Variants in PIEZO2 observed in about 807,000 individuals in gnomAD.
PIEZO2 encodes the protein piezo type mechanosensitive ion channel component 2, also known as piezo-type mechanosensitive ion channel component 2.
A neutral mutation model predicts 337.3 loss-of-function variants in PIEZO2; 172 were observed. The observed-to-expected ratio is 0.51, with a 90% CI of 0.45 to 0.58. The LOEUF (loss-of-function observed/expected upper bound fraction) is 0.58. Ranked by LOEUF, PIEZO2 falls within the 20% of genes least tolerant of loss-of-function variation. The probability of loss-of-function intolerance (pLI) is 0.00; values close to 1 mark genes in which losing one functional copy is unlikely to be tolerated. For missense variants in PIEZO2, 3,028 were observed against 3,391.3 expected (o/e 0.89, Z 2.66); for synonymous variants, 1,251 against 1,228.5 (o/e 1.02, Z -0.38).
Position 10,731,462 on chromosome 18 carries a change from C to G in PIEZO2, c.4974G>C (p.Glu1658Asp). 2 of 1,535,208 alleles carry G rather than the reference C, an allele frequency of 1.3e-6. No homozygotes were observed. The highest frequency in any genetic ancestry group is 1.2e-5 in the South Asian group (1 of 83,876). ...GTTCTTCTCTTGCAGACCTTTTTTT[C>G]TCTTTGTGTCTTTGTCGGAGTGCTG... ...PKTALRQRHKEKKRSAREERK... is the reference protein window; with the variant it reads ...PKTALRQRHKDKKRSAREERK... Residue 1658 changes from glutamate to aspartate, a missense_variant, in exon 36 of 56, where the codon GAG becomes GAC. Coordinates refer to ENST00000674853, the MANE Select transcript of PIEZO2 (RefSeq NM_001378183.1).
At chr18:11,045,890 T>C (rs1231807121) in intron 2 of PIEZO2, among the ~76,000 whole-genome samples, 1 of 152,214 alleles carries the variant, frequency 6.6e-6, no homozygotes, top group Admixed American at 6.5e-5. Context: ...CTTGCCGTTG[T>C]ATGAATCACT....
chr18:10,796,957 CAT>C (rs200521925), intron 12 of PIEZO2, among the ~76,000 whole-genome samples: 1 of 151,628 alleles, frequency 6.6e-6, no homozygotes, highest in African/African-American at 2.4e-5. Context: ...TACATACCAT[CAT>C]ATCTTATATA....
intron 34 of PIEZO2, among the ~76,000 whole-genome samples, chr18:10,736,061 A>C (rs1420705874): frequency 1.3e-5 from 2 of 152,194 alleles, no homozygotes; most frequent in Non-Finnish European, 2.9e-5. Context: ...AGGTTCTAAA[A>C]CAGAAAGGTA....
chr18:10,909,997 C>A (rs933181266), intron 4 of PIEZO2, among the ~76,000 whole-genome samples: 1 of 152,176 alleles, frequency 6.6e-6, no homozygotes, highest in African/African-American at 2.4e-5. Flanking sequence ...CATGGGTCTA[C>A]CGATGTGCTA....
intron 2 of PIEZO2, among the ~76,000 whole-genome samples, chr18:11,034,311 T>C (rs2036846804): frequency 1.3e-5 from 2 of 151,826 alleles, no homozygotes; most frequent in South Asian, 4.2e-4. Context: ...TTTTTTTTTC[T>C]TTTTGGCGGC....
At chr18:10,818,070 C>T (rs548422379) in intron 7 of PIEZO2, among the ~76,000 whole-genome samples, 10 of 150,896 alleles carry the variant, frequency 6.6e-5, no homozygotes, top group Non-Finnish European at 1.5e-4. Flanking sequence ...TTTCTCTGTC[C>T]CTTGAAAAAA....
chr18:10,845,321 A>G (rs1298066861), intron 7 of PIEZO2, among the ~76,000 whole-genome samples: 1 of 151,998 alleles, frequency 6.6e-6, no homozygotes, highest in Non-Finnish European at 1.5e-5. Context: ...CAGAGACAGG[A>G]TTTATTTTTT....
At chr18:10,902,493 T>C (rs935493097) in intron 4 of PIEZO2, among the ~76,000 whole-genome samples, 2 of 152,162 alleles carry the variant, frequency 1.3e-5, no homozygotes, top group African/African-American at 4.8e-5. Flanking sequence ...TGACACTGAA[T>C]GTAAAACTTT....
At chr18:10,826,900 T>C (rs1434862479) in intron 7 of PIEZO2, among the ~76,000 whole-genome samples, 1 of 152,214 alleles carries the variant, frequency 6.6e-6, no homozygotes, top group Non-Finnish European at 1.5e-5. Context: ...CAACCACTGA[T>C]CTGTTTGCCA....
chr18:10,995,624 T>G lies in PIEZO2; in HGVS notation c.161-15964A>C, dbSNP rs62083585. Among the ~76,000 whole-genome samples the G allele has an allele frequency of 5.0e-3, 755 of 152,360 alleles. 3 individuals are homozygous for G. The highest frequency in any genetic ancestry group is 7.3e-3 in the Admixed American group (112 of 15,298). On this transcript the variant is annotated intron_variant, in intron 2 of 55. Transcript: ENST00000674853. Reference sequence around the variant, plus strand: ...GGGTCCACATTACACAAACCCATTCTGGAGAAAGTTATTTCCCAGTAGCCC... The same window carrying G: ...GGGTCCACATTACACAAACCCATTCGGGAGAAAGTTATTTCCCAGTAGCCC...
In PIEZO2 at chr18:11,097,300, C is replaced by G. The variant is rs905697315; in HGVS notation, c.65-31078G>C. 6.6e-6 allele frequency among the ~76,000 whole-genome samples: 1 copy of G among 152,166 alleles called. No homozygotes were observed. Among genetic ancestry groups the G allele is most frequent in the Non-Finnish European group, 1.5e-5 (1 of 68,032 alleles). ...GTCCATCAGTGAAGTTTTCTTGGAGCCAAGTCAGGCTCCTTCTTCTAAGTA... is the reference window on the plus strand; with the variant it reads ...GTCCATCAGTGAAGTTTTCTTGGAGGCAAGTCAGGCTCCTTCTTCTAAGTA... On this transcript the variant is annotated intron_variant, in intron 1 of 55. Transcript: ENST00000674853. This position sits in a 1 kb window ranked among gnomAD's most constrained non-coding sequence, Gnocchi z 5.0.
chr18:11,117,546 G>A (rs1207515527), intron 1 of PIEZO2, among the ~76,000 whole-genome samples: 1 of 152,196 alleles, frequency 6.6e-6, no homozygotes, highest in East Asian at 1.9e-4. Flanking sequence ...TAATTTCAAT[G>A]TAACACACCA....
chr18:11,072,907 G>A (rs1215601475), intron 1 of PIEZO2, among the ~76,000 whole-genome samples: 1 of 152,218 alleles, frequency 6.6e-6, no homozygotes, highest in Admixed American at 6.5e-5. Context: ...TTTATCAAGT[G>A]TGATATTGCC....
rs1281800050 is a variant in PIEZO2, at chr18:11,148,620, C to T, written c.-32G>A. The T allele has an allele frequency of 2.6e-6, 4 of 1,535,240 alleles. No homozygotes were observed. Among genetic ancestry groups the T allele is most frequent in the Non-Finnish European group, 3.5e-6 (4 of 1,146,118 alleles). On this transcript the variant is annotated 5_prime_UTR_variant, in exon 1 of 56. Coordinates refer to ENST00000674853, the MANE Select transcript of PIEZO2 (RefSeq NM_001378183.1). This position sits in a 1 kb window ranked among gnomAD's most constrained non-coding sequence, Gnocchi z 5.2. Reference sequence around the variant, plus strand: ...GGTCCGGCGAGTCGGAGCAGAGGGGCGAGGCTCGAGGGTCCCTAGGGGTGG... The same window carrying T: ...GGTCCGGCGAGTCGGAGCAGAGGGGTGAGGCTCGAGGGTCCCTAGGGGTGG...
At chr18:11,079,827 G>A (rs1228111792) in intron 1 of PIEZO2, among the ~76,000 whole-genome samples, 1 of 152,068 alleles carries the variant, frequency 6.6e-6, no homozygotes, top group African/African-American at 2.4e-5. Flanking sequence ...TACCAATAAA[G>A]GAATAATTCA....
At chr18:11,011,558 C>T (rs1420031873) in intron 2 of PIEZO2, among the ~76,000 whole-genome samples, 1 of 152,046 alleles carries the variant, frequency 6.6e-6, no homozygotes, top group Non-Finnish European at 1.5e-5. Context: ...GATAATATTG[C>T]TTTAATATTC....
At chr18:10,730,660 T>A (rs1401773875) in intron 36 of PIEZO2, among the ~76,000 whole-genome samples, 1 of 152,220 alleles carries the variant, frequency 6.6e-6, no homozygotes, top group Non-Finnish European at 1.5e-5. Context: ...TGCTTGTTTC[T>A]GAGTGTTGTT....
At chr18:10,778,321 C>T (rs10468617) in intron 18 of PIEZO2, among the ~76,000 whole-genome samples, 115,634 of 149,890 alleles carry the variant, frequency 0.77, 44,881 homozygotes, top group East Asian at 0.93. Flanking sequence ...CTTTGAGGCA[C>T]AGCTCTGGCT....
intron 7 of PIEZO2, among the ~76,000 whole-genome samples, chr18:10,842,861 C>G (rs1014333571): frequency 7.2e-5 from 11 of 152,356 alleles, no homozygotes; most frequent in African/African-American, 2.2e-4. Flanking sequence ...GAGTAACAAG[C>G]AAGTTTATTA....
Sources: gnomAD v4.1 joint callset for allele counts (sites outside exome capture counted in the v4.1 genomes callset) on GRCh38, gnomAD v4.1.1 for gene constraint, Gnocchi (gnomAD v3.1) non-coding constraint, MANE v1.5 for transcripts, NCBI Gene and HGNC (gene_info 2026-07-23, HGNC 2026-07-21) for gene names.